The following AHCYL2 variants were observed in gnomAD, a reference collection of about 807,000 sequenced individuals.
AHCYL2 encodes S-adenosylhomocysteine hydrolase-like protein 2.
A neutral mutation model predicts 81.4 loss-of-function variants in AHCYL2; 28 were observed. That is an observed-to-expected ratio of 0.34 (90% CI 0.25 to 0.47). AHCYL2 has a LOEUF of 0.47. Ranked by LOEUF, AHCYL2 falls within the 20% of genes least tolerant of loss-of-function variation. The pLI, the probability that AHCYL2 is intolerant of heterozygous loss-of-function variation, is 1.00. For missense variants in AHCYL2, 551 were observed against 785.1 expected, an observed-to-expected ratio of 0.70 and a Z score of 3.56; for synonymous variants, 272 against 290.2, an observed-to-expected ratio of 0.94 and a Z score of 0.64.
At chr7:129,252,817 T>C (rs1354113761) in intron 1 of AHCYL2, among the ~76,000 whole-genome samples, 1 of 151,862 alleles carries the variant, frequency 6.6e-6, no homozygotes, top group Non-Finnish European at 1.5e-5. Flanking sequence ...GATTGATTGA[T>C]TGATTGATTG....
intron 5 of AHCYL2, among the ~76,000 whole-genome samples, chr7:129,399,608 G>C (rs2150925904): frequency 6.6e-6 from 1 of 152,152 alleles, no homozygotes; most frequent in Non-Finnish European, 1.5e-5. Flanking sequence ...ATAATAGGGT[G>C]GAATGATTAA....
intron 1 of AHCYL2, among the ~76,000 whole-genome samples, chr7:129,376,687 G>GGT (rs1011286635): frequency 6.6e-5 from 10 of 152,308 alleles, no homozygotes; most frequent in African/African-American, 2.4e-4. Context: ...GTGTGTACAT[G>GGT]GTGTGTGTGC....
chr7:129,245,929 C>T (rs55638303), intron 1 of AHCYL2, among the ~76,000 whole-genome samples: 36,472 of 152,032 alleles, frequency 0.24, 4,588 homozygotes, highest in East Asian at 0.42. Flanking sequence ...ACTGTCATAC[C>T]GTTTTCCATA....
At chr7:129,321,134 T>C (rs1283097767) in intron 1 of AHCYL2, among the ~76,000 whole-genome samples, 2 of 152,224 alleles carry the variant, frequency 1.3e-5, no homozygotes, top group Non-Finnish European at 2.9e-5. Flanking sequence ...GTAAAGACAA[T>C]TTTACTTTTT....
chr7:129,234,844 T>C (rs1034934375), intron 1 of AHCYL2, among the ~76,000 whole-genome samples: 3 of 152,222 alleles, frequency 2.0e-5, no homozygotes, highest in Non-Finnish European at 4.4e-5. Flanking sequence ...ATCTTTCTAC[T>C]AGGTCTTTTC....
chr7:129,360,335 C>T lies in AHCYL2; in HGVS notation c.364-19303C>T, dbSNP rs141081360. Among the ~76,000 whole-genome samples the T allele has an allele frequency of 5.8e-3, 890 of 152,216 alleles. 8 individuals carry two copies. The highest frequency in any genetic ancestry group is 0.02 in the African/African-American group (829 of 41,536). Reference sequence around the variant, plus strand: ...TTCTTCATTTTGGTCAGGCTGGTCTCGAACTCCCGACCTCAGGTGATCTGC... The same window carrying T: ...TTCTTCATTTTGGTCAGGCTGGTCTTGAACTCCCGACCTCAGGTGATCTGC... On this transcript the variant is annotated intron_variant, in intron 1 of 16. Transcript: ENST00000325006.
At chr7:129,342,006 T>C (rs1311100643) in intron 1 of AHCYL2, among the ~76,000 whole-genome samples, 1 of 152,224 alleles carries the variant, frequency 6.6e-6, no homozygotes, top group East Asian at 1.9e-4. Context: ...TCTCCAGGGT[T>C]ATAAAGGTAA....
chr7:129,267,793 T>C (rs138126162), intron 1 of AHCYL2, among the ~76,000 whole-genome samples: 201 of 152,232 alleles, frequency 1.3e-3, no homozygotes, highest in African/African-American at 4.8e-3. Context: ...GATGATGGAA[T>C]TGATAGAATT....
chr7:129,317,208 T>C (rs538301266), intron 1 of AHCYL2, among the ~76,000 whole-genome samples: 2 of 152,340 alleles, frequency 1.3e-5, no homozygotes, highest in East Asian at 3.9e-4. Flanking sequence ...CTTCTTGACT[T>C]CCATCTGCTT....
chr7:129,313,498 A>G (rs1797730063), intron 1 of AHCYL2, among the ~76,000 whole-genome samples: 1 of 152,148 alleles, frequency 6.6e-6, no homozygotes, highest in African/African-American at 2.4e-5. Flanking sequence ...CAGGTGTAGA[A>G]ACAGAGAAAG....
chr7:129,380,173 C>T (rs568448922), intron 2 of AHCYL2, among the ~76,000 whole-genome samples: 10 of 152,036 alleles, frequency 6.6e-5, no homozygotes, highest in Admixed American at 2.6e-4. Context: ...GAAGTAATGA[C>T]ACACTGTAGC....
chr7:129,369,739 A>T (rs1285775279), intron 1 of AHCYL2, among the ~76,000 whole-genome samples: 1 of 151,804 alleles, frequency 6.6e-6, no homozygotes, highest in Non-Finnish European at 1.5e-5. Flanking sequence ...TTTGGTGGAG[A>T]TGGGGTTTCA....
At chr7:129,277,173 A>T (rs1470385435) in intron 1 of AHCYL2, among the ~76,000 whole-genome samples, 1 of 152,176 alleles carries the variant, frequency 6.6e-6, no homozygotes, top group Non-Finnish European at 1.5e-5. Context: ...AAAACTGCAG[A>T]TATTTAAAGG....
intron 1 of AHCYL2, among the ~76,000 whole-genome samples, chr7:129,265,812 A>G (rs886499008): frequency 6.6e-6 from 1 of 152,240 alleles, no homozygotes; most frequent in African/African-American, 2.4e-5. Flanking sequence ...TGAAGGGGTC[A>G]GGAGACCAGT....
intron 12 of AHCYL2, among the ~76,000 whole-genome samples, chr7:129,415,496 T>C (rs1796798296): frequency 6.6e-6 from 1 of 152,236 alleles, no homozygotes; most frequent in African/African-American, 2.4e-5. Flanking sequence ...AGAAGTTAAC[T>C]ACCTTGTCAG....
intron 1 of AHCYL2, among the ~76,000 whole-genome samples, chr7:129,365,173 A>G (rs1455000184): frequency 6.6e-6 from 1 of 152,226 alleles, no homozygotes. Flanking sequence ...GAATAGTGAT[A>G]TAGCCAAAGA....
chr7:129,343,308 C>A (rs1793250858), intron 1 of AHCYL2, among the ~76,000 whole-genome samples: 1 of 151,990 alleles, frequency 6.6e-6, no homozygotes, highest in African/African-American at 2.4e-5. Flanking sequence ...TTTTAGTGGT[C>A]TGTTTATGAT....
chr7:129,353,880 A>G (rs1283027161), intron 1 of AHCYL2, among the ~76,000 whole-genome samples: 1 of 151,920 alleles, frequency 6.6e-6, no homozygotes, highest in East Asian at 1.9e-4. Context: ...GAGAATGAAG[A>G]TATTTTGGAG....
intron 1 of AHCYL2, chr7:129,377,483 T>C (rs1794740524): frequency 2.2e-6 from 1 of 454,448 alleles, no homozygotes; most frequent in East Asian, 7.0e-5. Flanking sequence ...GCTATTTCAA[T>C]TTGGCATTGG....
Sources: gnomAD v4.1 joint callset for allele counts (sites outside exome capture counted in the v4.1 genomes callset) on GRCh38, gnomAD v4.1.1 for gene constraint, MANE v1.5 for transcripts, NCBI Gene and HGNC (gene_info 2026-07-23, HGNC 2026-07-21) for gene names.